TMIGD3: variants seen among roughly 807,000 people sequenced by gnomAD.
TMIGD3 encodes the protein AD026 protein (AD026).
A neutral mutation model predicts 28.1 loss-of-function variants in TMIGD3; 21 were observed. The observed-to-expected ratio is 0.75, with a 90% CI of 0.53 to 1.08. TMIGD3 has a LOEUF of 1.08. Among genes scored for constraint, TMIGD3 ranks in the 50% least tolerant of loss-of-function variants. The pLI is 0.00. For missense variants in TMIGD3, 416 were observed against 435.6 expected, an observed-to-expected ratio of 0.96 and a Z score of 0.40; for synonymous variants, 151 against 162.1, an observed-to-expected ratio of 0.93 and a Z score of 0.52.
Position 111,487,093 on chromosome 1 carries a change from T to C in TMIGD3, c.806-441A>G, listed in dbSNP as rs146235645. 6.8e-3 allele frequency among the ~76,000 whole-genome samples: 1,036 copies of C among 152,314 alleles called. 14 individuals carry two copies. The highest frequency in any genetic ancestry group is 0.021 in the African/African-American group (856 of 41,552). On this transcript the variant is annotated intron_variant, in intron 3 of 5. Transcript: ENST00000369716. ...TGATGTAATTGCCATGTTTTTCTTATGACAGCCACCAAAACCCAACGGGAG... is the reference window on the plus strand; with the variant it reads ...TGATGTAATTGCCATGTTTTTCTTACGACAGCCACCAAAACCCAACGGGAG...
intron 1 of TMIGD3, among the ~76,000 whole-genome samples, chr1:111,525,904 G>T (rs1262000477): frequency 6.6e-6 from 1 of 152,016 alleles, no homozygotes; most frequent in Non-Finnish European, 1.5e-5. Context: ...TCTCTTTGGA[G>T]GAAGTATAGA....
chr1:111,526,434 G>A (rs1656264328), intron 1 of TMIGD3, among the ~76,000 whole-genome samples: 1 of 152,138 alleles, frequency 6.6e-6, no homozygotes, highest in Non-Finnish European at 1.5e-5. Context: ...ATGTGAAGAA[G>A]GACTTGTTTG....
In TMIGD3 at chr1:111,511,794, C is replaced by T. The variant is rs550116344; in HGVS notation, c.108-21032G>A. 5.3e-5 allele frequency among the ~76,000 whole-genome samples: 8 copies of T among 152,196 alleles called. No individual in the cohort carries two copies. The South Asian group carries it at 1.7e-3, about 32-fold the overall frequency. On this transcript the variant is annotated intron_variant, in intron 1 of 5. Coordinates refer to the TMIGD3 transcript ENST00000369717. ...TCATTTACTTGTCTTTGGTCTGTCC[C>T]CTTGCTTGTCTTGTTCACAATTCTA...
intron 1 of TMIGD3, among the ~76,000 whole-genome samples, chr1:111,522,542 A>T (rs1487917158): frequency 3.4e-5 from 5 of 146,828 alleles, no homozygotes; most frequent in African/African-American, 1.3e-4. Context: ...TTTGAGACAG[A>T]GTCTCGCTCT....
At chr1:111,491,970 G>A (rs191882203) in intron 1 of TMIGD3, among the ~76,000 whole-genome samples, 187 of 152,314 alleles carry the variant, frequency 1.2e-3, no homozygotes, top group African/African-American at 4.3e-3. Flanking sequence ...ACTGGCCTGT[G>A]TGATCAATAA....
At chr1:111,497,173 C>G (rs970661429) in intron 1 of TMIGD3, among the ~76,000 whole-genome samples, 1 of 152,144 alleles carries the variant, frequency 6.6e-6, no homozygotes, top group African/African-American at 2.4e-5. Flanking sequence ...TGCAGTGGCA[C>G]GATCTCGGCT....
chr1:111,524,028 CTTTTTTTT>C lies in TMIGD3; in HGVS notation c.108-33274_108-33267del, dbSNP rs35046603. 1.2e-3 allele frequency among the ~76,000 whole-genome samples: 128 copies of C among 108,806 alleles called. 1 individual carries two copies. Among genetic ancestry groups the C allele is most frequent in the Admixed American group, 3.5e-3 (30 of 8,556 alleles). The allele number at this position is 108,806 out of a possible 152,430, so 71.4% of individuals were successfully genotyped here. ...TCTTGTTTCTTTCTTTCTTTCTTTTCTTTTTTTTTTTTTTTTTTTGGGATGGAATCTTG... is the reference window on the plus strand; with the variant it reads ...TCTTGTTTCTTTCTTTCTTTCTTTTCTTTTTTTTTTTGGGATGGAATCTTG... On this transcript the variant is annotated intron_variant, in intron 1 of 5. Coordinates refer to the TMIGD3 transcript ENST00000369717.
intron 5 of TMIGD3, chr1:111,485,383 T>C (rs572592550): frequency 1.9e-5 from 4 of 212,102 alleles, no homozygotes; most frequent in African/African-American, 4.6e-5. Context: ...GACTCTTCTA[T>C]ACCTGCTTAC....
chr1:111,526,917 GA>G (rs1483160420), intron 1 of TMIGD3, among the ~76,000 whole-genome samples: 18 of 151,008 alleles, frequency 1.2e-4, no homozygotes, highest in Middle Eastern at 3.4e-3. Flanking sequence ...GCCTTTTTCA[GA>G]ATGTCATATA....
intron 1 of TMIGD3, among the ~76,000 whole-genome samples, chr1:111,491,666 C>T (rs1376301286): frequency 6.6e-6 from 1 of 152,086 alleles, no homozygotes; most frequent in Non-Finnish European, 1.5e-5. Flanking sequence ...AGTTGCTCCT[C>T]ATCAAAAACC....
upstream of TMIGD3, among the ~76,000 whole-genome samples, chr1:111,507,668 C>A (rs566576693): frequency 2.0e-5 from 3 of 152,312 alleles, no homozygotes; most frequent in East Asian, 5.8e-4. Flanking sequence ...GTCAGGCAGG[C>A]GAAAGGTGGG....
chr1:111,542,191 C>T (rs953318539), intron 1 of TMIGD3: 2 of 508,156 alleles, frequency 3.9e-6, no homozygotes, highest in South Asian at 1.5e-5. Flanking sequence ...GAAGGAAGAT[C>T]GTTTAGACCA....
At chr1:111,560,182 A>G (rs1657672436) in intron 1 of TMIGD3, among the ~76,000 whole-genome samples, 3 of 152,200 alleles carry the variant, frequency 2.0e-5, no homozygotes, top group Admixed American at 6.5e-5. Context: ...TAAACACATG[A>G]GATCACAAGA....
At chr1:111,495,367 C>T (rs1157355291) in intron 1 of TMIGD3, among the ~76,000 whole-genome samples, 1 of 152,128 alleles carries the variant, frequency 6.6e-6, no homozygotes, top group East Asian at 1.9e-4. Context: ...AAGAAAAGCT[C>T]AATATCACTG....
chr1:111,502,121 T>C (rs1412226858), intron 1 of TMIGD3, among the ~76,000 whole-genome samples: 1 of 97,116 alleles, frequency 1.0e-5, no homozygotes, highest in Admixed American at 1.6e-4. Flanking sequence ...ATAATAAATA[T>C]ATAGGATATA....
intron 1 of TMIGD3, among the ~76,000 whole-genome samples, chr1:111,530,693 A>T (rs10776730): frequency 0.6 from 90,899 of 152,028 alleles, 27,297 homozygotes; most frequent in East Asian, 0.74. Context: ...CATTGTTATC[A>T]TTGTTCCTCT....
chr1:111,537,858 T>C (rs896610029), intron 1 of TMIGD3, among the ~76,000 whole-genome samples: 1 of 151,626 alleles, frequency 6.6e-6, no homozygotes, highest in Non-Finnish European at 1.5e-5. Flanking sequence ...GGGGCTATGA[T>C]GACCAGGATG....
intron 1 of TMIGD3, among the ~76,000 whole-genome samples, chr1:111,558,203 G>A (rs1571466201): frequency 6.6e-6 from 1 of 152,034 alleles, no homozygotes. Context: ...TTTGAGACAG[G>A]GTCTTACTCC....
intron 1 of TMIGD3, among the ~76,000 whole-genome samples, chr1:111,556,870 C>A (rs946091212): frequency 2.0e-5 from 3 of 151,516 alleles, no homozygotes; most frequent in African/African-American, 7.3e-5. Context: ...GAACTGTACA[C>A]TTAGAAATAG....
Sources: allele counts gnomAD v4.1 joint callset (sites outside exome capture counted in the v4.1 genomes callset), GRCh38; gene constraint gnomAD v4.1.1; transcripts MANE v1.5; gene names NCBI Gene and HGNC (gene_info 2026-07-23, HGNC 2026-07-21).